Variants in CCDC88A observed in about 807,000 individuals in gnomAD.
CCDC88A encodes the protein coiled-coil and HOOK domain protein 88A.
CCDC88A carries 54 observed loss-of-function variants against 234.3 expected under a neutral mutation model. That is an observed-to-expected ratio of 0.23 (90% confidence interval 0.19 to 0.29). The LOEUF (loss-of-function observed/expected upper bound fraction) is 0.29. Ranked by LOEUF, CCDC88A falls within the 10% of genes least tolerant of loss-of-function variation. The pLI, the probability that CCDC88A is intolerant of heterozygous loss-of-function variation, is 1.00. For missense variants in CCDC88A, 1,832 were observed against 2,123.4 expected (o/e 0.86, Z 2.70); for synonymous variants, 753 against 737.8 (o/e 1.02, Z -0.33).
chr2:55,323,249 T>G (rs1283658817), intron 17 of CCDC88A: 2 of 152,212 alleles, frequency 1.3e-5, no homozygotes, highest in African/African-American at 4.8e-5. Flanking sequence ...TTAAATTTAA[T>G]ATTACTATTC....
At chr2:55,294,912 T>G in intron 31 of CCDC88A, 1 of 1,138,946 alleles carries the variant, frequency 8.8e-7, no homozygotes, top group Non-Finnish European at 1.1e-6. Flanking sequence ...TTAATATACA[T>G]GCCATCATGT....
At chr2:55,349,331 T>C in intron 9 of CCDC88A, 187 bp downstream of exon 9, 1 of 573,262 alleles carries the variant, frequency 1.7e-6, no homozygotes, top group Non-Finnish European at 3.0e-6. Flanking sequence ...ACAGCATTAA[T>C]ATGGAAGAAA....
chr2:55,334,151 A>G lies in CCDC88A; in HGVS notation c.2670T>C (p.Asn890=). 7.4e-7 allele frequency: 1 copy of G among 1,345,242 alleles called. No individual in the cohort carries two copies. 83.3% of individuals were successfully genotyped at this position (1,345,242 alleles called of 1,614,324 possible). A position where few individuals can be genotyped will look rare whatever the true frequency, so the allele number is the denominator to read the frequency against. The part of the protein sequence containing the change: ...CVRLKELEKE[N]KELVKRATID... ...TAGTTGCTCTTTTCACAAGCTCCTT[A>G]TTTTCTTTTTCTAGTTCTTTCAGAC... Residue 890 remains asparagine (N), a synonymous_variant, in exon 15 of 33, where the codon AAT becomes AAC. Coordinates refer to ENST00000436346, the MANE Select transcript of CCDC88A (RefSeq NM_001365480.1). This position sits in a 1 kb window ranked among gnomAD's most constrained non-coding sequence, Gnocchi z 6.1.
At chr2:55,323,189 A>C (rs1454655708) in intron 17 of CCDC88A, 1 of 152,236 alleles carries the variant, frequency 6.6e-6, no homozygotes, top group African/African-American at 2.4e-5. Context: ...CTTGCTCATC[A>C]TACATGACCA....
intron 2 of CCDC88A, among the ~76,000 whole-genome samples, chr2:55,411,077 T>C (rs1680410958): frequency 6.6e-6 from 1 of 152,148 alleles, no homozygotes; most frequent in African/African-American, 2.4e-5. Flanking sequence ...CCACTCTGAC[T>C]CTCCAAAAGC....
At chr2:55,312,365 G>A (rs1682450417) in intron 23 of CCDC88A, 69 bp downstream of exon 23, 1 of 1,380,028 alleles carries the variant, frequency 7.2e-7, no homozygotes, top group African/African-American at 1.4e-5. Context: ...AATTTTCTCT[G>A]CCACTGGGTA....
chr2:55,294,959 TAAA>T (rs1463690743), intron 31 of CCDC88A: 1 of 1,194,562 alleles, frequency 8.4e-7, no homozygotes, highest in Non-Finnish European at 1.1e-6. Flanking sequence ...AAATAAAAAA[TAAA>T]AACCTAGCCA....
chr2:55,294,989 C>T, intron 31 of CCDC88A: 2 of 1,196,658 alleles, frequency 1.7e-6, no homozygotes, highest in Non-Finnish European at 2.1e-6. Context: ...ATTTTGTTAA[C>T]AGCAACTTTT....
chr2:55,382,473 T>G (rs931335327), intron 3 of CCDC88A, among the ~76,000 whole-genome samples: 1 of 152,172 alleles, frequency 6.6e-6, no homozygotes, highest in Non-Finnish European at 1.5e-5. Context: ...GCGGCCAATA[T>G]AGTCACACCA....
chr2:55,327,536 T>G (rs1440968282), intron 17 of CCDC88A, among the ~76,000 whole-genome samples: 1 of 152,212 alleles, frequency 6.6e-6, no homozygotes, highest in Non-Finnish European at 1.5e-5. Flanking sequence ...GAGGATGGAC[T>G]GACACTGCCC....
In CCDC88A at chr2:55,295,782, A is replaced by G. The variant is rs750882660; in HGVS notation, c.5366T>C (p.Leu1789Pro). ...GKIKLVKESS[L>P]SRQSKDSNPY... ...GTTACTATCTTTTGATTGTCGTGAC[A>G]GAGAAGATTCTTTTACTAATTTTAT... is the stretch of plus-strand genomic sequence containing the variant. The change falls in exon 31 of 33, where the codon CTG (leucine) becomes CCG (proline). Residue 1789 changes from leucine (L) to proline (P), a missense_variant. Physicochemically the swap from Leu to Pro is moderately conservative, Grantham distance 98 (BLOSUM62 -3). Transcript: ENST00000436346. 6.2e-7 allele frequency: 1 copy of G among 1,614,240 alleles called. No homozygotes were observed.
chr2:55,364,224 G>A, intron 5 of CCDC88A, 191 bp from the exon 6 acceptor site: 1 of 422,378 alleles, frequency 2.4e-6, no homozygotes, highest in Non-Finnish European at 4.2e-6. Flanking sequence ...AAAAAGCAAG[G>A]CACTGAAAAT....
In CCDC88A at chr2:55,390,053, A is replaced by AAAAAAAAAAAAAAAAAAAAAAG. The variant is rs377022377; in HGVS notation, c.165-1168_165-1167insCTTTTTTTTTTTTTTTTTTTTT. Among the ~76,000 whole-genome samples, 75 of 79,734 alleles carry AAAAAAAAAAAAAAAAAAAAAAG rather than the reference A, an allele frequency of 9.4e-4. 15 individuals carry two copies. Among genetic ancestry groups the AAAAAAAAAAAAAAAAAAAAAAG allele is most frequent in the African/African-American group, 1.9e-3 (41 of 21,514 alleles). The allele number at this position is 79,734 out of a possible 152,430, so 52.3% of individuals were successfully genotyped here. ...GAGACTCAAAAAAAAAAAAAAATAA[A>AAAAAAAAAAAAAAAAAAAAAAG]AAATAAAGATAGAACATTTCAAAGT... On this transcript the variant is annotated intron_variant, in intron 2 of 32. Transcript: ENST00000436346.
intron 31 of CCDC88A, chr2:55,294,373 A>G (rs1357647144): frequency 1.0e-6 from 1 of 975,502 alleles, no homozygotes; most frequent in Admixed American, 6.2e-5. Context: ...TCACATTTAA[A>G]TTTGATGGGG....
chr2:55,379,045 C>T (rs570905789), intron 3 of CCDC88A, among the ~76,000 whole-genome samples: 2 of 152,208 alleles, frequency 1.3e-5, no homozygotes, highest in African/African-American at 4.8e-5. Flanking sequence ...TGCGCCCGGC[C>T]TGGATTCTAG....
At position 55,419,127 on chromosome 2, in the gene CCDC88A, T is replaced by A; in HGVS notation, c.-48A>T. On this transcript the variant is annotated 5_prime_UTR_variant, in exon 1 of 33. Transcript: ENST00000436346. ...AAAGGAACTACCACAAAAATACGCC[T>A]AGGGAATTGGTCACTAAACGTGGAA... 1.8e-6 allele frequency: 2 copies of A among 1,127,176 alleles called. No homozygotes were observed. Among genetic ancestry groups the A allele is most frequent in the Non-Finnish European group, 2.7e-6 (2 of 745,104 alleles). 69.8% of individuals were successfully genotyped at this position (1,127,176 alleles called of 1,614,324 possible).
At chr2:55,312,410 A>C in intron 23 of CCDC88A, 24 bp downstream of exon 23, 2 of 1,599,466 alleles carry the variant, frequency 1.3e-6, no homozygotes, top group South Asian at 1.1e-5. Context: ...CATATTTCAG[A>C]GTGCAAAATT....
At chr2:55,329,005 G>C (rs1045648224) in intron 16 of CCDC88A, 2 of 152,314 alleles carry the variant, frequency 1.3e-5, no homozygotes, top group Non-Finnish European at 2.9e-5. Context: ...CCCGACCTCA[G>C]GTGATCCACC....
chr2:55,320,414 T>C (rs996536956), intron 18 of CCDC88A, among the ~76,000 whole-genome samples: 1 of 152,100 alleles, frequency 6.6e-6, no homozygotes, highest in Admixed American at 6.5e-5. Context: ...TTAGCAAATA[T>C]AATACTGGCA....
Sources: allele counts gnomAD v4.1 joint callset (sites outside exome capture counted in the v4.1 genomes callset), GRCh38; gene constraint gnomAD v4.1.1; non-coding constraint Gnocchi (gnomAD v3.1); transcripts MANE v1.5; gene names NCBI Gene and HGNC (gene_info 2026-07-23, HGNC 2026-07-21).